The following CHLSN variants were observed in gnomAD, a reference collection of about 807,000 sequenced individuals.
CHLSN encodes the protein protein cholesin.
At chr7:1,132,307 G>T in the CHLSN span, among the ~76,000 whole-genome samples, 1 of 152,184 alleles carries the variant, frequency 6.6e-6, no homozygotes, top group Non-Finnish European at 1.5e-5. Flanking sequence ...CAGCACTTTG[G>T]GAGGCCAAGG....
the CHLSN span, among the ~76,000 whole-genome samples, chr7:1,038,449 A>T: frequency 2.1e-5 from 1 of 48,012 alleles, no homozygotes; most frequent in African/African-American, 1.2e-4. Flanking sequence ...CAGCCCCCCA[A>T]CCCGGCCAGC....
chr7:1,064,862 C>T, the CHLSN span, among the ~76,000 whole-genome samples: 1 of 152,220 alleles, frequency 6.6e-6, no homozygotes, highest in Admixed American at 6.5e-5. Flanking sequence ...ACACTCAGGG[C>T]GCACAGAAGG....
At chr7:988,201 G>A in the CHLSN span, 26 of 1,477,796 alleles carry the variant, frequency 1.8e-5, no homozygotes, top group Admixed American at 4.5e-5. Flanking sequence ...CTACATCCTG[G>A]AATGAAACTT....
At chr7:1,116,407 A>G in the CHLSN span, among the ~76,000 whole-genome samples, 9 of 139,068 alleles carry the variant, frequency 6.5e-5, no homozygotes, top group South Asian at 2.3e-4. Context: ...GGATGATGAC[A>G]TGACTGCAGC....
chr7:1,053,061 G>A, the CHLSN span, among the ~76,000 whole-genome samples: 1 of 152,242 alleles, frequency 6.6e-6, no homozygotes, highest in African/African-American at 2.4e-5. Flanking sequence ...GGCACAGCGG[G>A]CCTGCCCAGT....
the CHLSN span, among the ~76,000 whole-genome samples, chr7:1,070,826 C>CACGTGCGT: frequency 3.8e-5 from 1 of 26,232 alleles, no homozygotes; most frequent in Non-Finnish European, 7.4e-5. Context: ...CACACGTGCA[C>CACGTGCGT]ACATATACAC....
the CHLSN span, among the ~76,000 whole-genome samples, chr7:983,607 G>T: frequency 1.1e-4 from 17 of 152,328 alleles, no homozygotes; most frequent in East Asian, 2.9e-3. Flanking sequence ...CCCTGGAGGT[G>T]CCACCCAGGG....
chr7:1,016,852 GCAGCACA>G, the CHLSN span, among the ~76,000 whole-genome samples: 43 of 89,922 alleles, frequency 4.8e-4, 3 homozygotes, highest in South Asian at 1.4e-3. Context: ...CCAGCACACA[GCAGCACA>G]CAGCACACAG....
the CHLSN span, among the ~76,000 whole-genome samples, chr7:1,002,863 A>G: frequency 2.0e-5 from 1 of 49,224 alleles, no homozygotes. Flanking sequence ...CCTGTGGGTG[A>G]GTGGAGTCCT....
At chr7:982,717 TCAG>T in the CHLSN span, among the ~76,000 whole-genome samples, 2 of 152,214 alleles carry the variant, frequency 1.3e-5, no homozygotes, top group African/African-American at 4.8e-5. Context: ...GGGGAGCTGA[TCAG>T]AGAAGAGCTG....
the CHLSN span, among the ~76,000 whole-genome samples, chr7:1,004,325 T>G: frequency 6.6e-6 from 1 of 152,124 alleles, no homozygotes; most frequent in Non-Finnish European, 1.5e-5. Context: ...TCTCCCACCT[T>G]GAGCTGCTGC....
the CHLSN span, among the ~76,000 whole-genome samples, chr7:1,130,827 CAG>C: frequency 1.3e-5 from 2 of 152,200 alleles, no homozygotes; most frequent in African/African-American, 4.8e-5. Context: ...CCGGACGGCT[CAG>C]ACACACACCC....
At chr7:1,101,091 G>A in the CHLSN span, among the ~76,000 whole-genome samples, 3 of 152,264 alleles carry the variant, frequency 2.0e-5, no homozygotes, top group Non-Finnish European at 4.4e-5. Flanking sequence ...GTGTCATGGT[G>A]GCCCCTGAGG....
chr7:1,072,932 G>A, the CHLSN span, among the ~76,000 whole-genome samples: 6 of 152,214 alleles, frequency 3.9e-5, no homozygotes, highest in East Asian at 9.6e-4. Context: ...GAGCCACCGC[G>A]CCTGGCCTGG....
At chr7:1,087,824 C>T in the CHLSN span, among the ~76,000 whole-genome samples, 1 of 152,320 alleles carries the variant, frequency 6.6e-6, no homozygotes, top group South Asian at 2.1e-4. Flanking sequence ...CTTGCTTCAA[C>T]CCAGGAGGAC....
the CHLSN span, among the ~76,000 whole-genome samples, chr7:1,042,156 A>C: frequency 6.6e-6 from 1 of 152,004 alleles, no homozygotes; most frequent in Non-Finnish European, 1.5e-5. Context: ...CCCACCCGCA[A>C]CACACACGGC....
chr7:1,038,847 C>T, the CHLSN span, among the ~76,000 whole-genome samples: 100 of 51,816 alleles, frequency 1.9e-3, no homozygotes, highest in Admixed American at 3.2e-3. Context: ...GGGTCAGCCC[C>T]CCGCCTGGCC....
the CHLSN span, chr7:997,502 T>G: frequency 1.2e-6 from 1 of 840,864 alleles, no homozygotes; most frequent in Non-Finnish European, 1.7e-6. Context: ...CCGGAGGAGC[T>G]GAAAGCCCTT....
the CHLSN span, among the ~76,000 whole-genome samples, chr7:1,070,161 C>T: frequency 0.022 from 2,398 of 107,064 alleles, 72 homozygotes; most frequent in African/African-American, 0.085. Context: ...GCAGCTGCCC[C>T]GTCTGAGAAG....
Sources: allele counts gnomAD v4.1 joint callset (sites outside exome capture counted in the v4.1 genomes callset), GRCh38; gene constraint gnomAD v4.1.1; transcripts MANE v1.5; gene names NCBI Gene and HGNC (gene_info 2026-07-23, HGNC 2026-07-21).